The following EVA1C variants were observed in gnomAD, a reference collection of about 807,000 sequenced individuals.
EVA1C encodes eva-1 homolog C, also known as protein eva-1 homolog C.
A neutral mutation model predicts 45.4 loss-of-function variants in EVA1C; 25 were observed. That is an observed-to-expected ratio of 0.55 (90% CI 0.40 to 0.77). EVA1C has a LOEUF of 0.77. Among genes scored for constraint, EVA1C ranks in the 30% least tolerant of loss-of-function variants. The pLI is 0.00. For synonymous variants in EVA1C, 190 were observed against 221.2 expected, an observed-to-expected ratio of 0.86 and a Z score of 1.25; for missense variants, 479 against 554.8, an observed-to-expected ratio of 0.86 and a Z score of 1.37.
chr21:32,487,747 C>A (rs2037021284), intron 4 of EVA1C, among the ~76,000 whole-genome samples: 1 of 151,424 alleles, frequency 6.6e-6, no homozygotes, highest in Non-Finnish European at 1.5e-5. Context: ...GAGAGTAGAA[C>A]CCCCAGCAAG....
chr21:32,514,728 G>A, intron 7 of EVA1C, 86 bp from the exon 8 acceptor site: 3 of 1,419,752 alleles, frequency 2.1e-6, no homozygotes, highest in Non-Finnish European at 2.8e-6. Flanking sequence ...CCCCCTGCTT[G>A]GGCAGACATC....
At chr21:32,427,022 T>C (rs2034515051) in intron 1 of EVA1C, among the ~76,000 whole-genome samples, 1 of 152,150 alleles carries the variant, frequency 6.6e-6, no homozygotes, top group Admixed American at 6.5e-5. Context: ...CTGTCAGAAC[T>C]CTGTTTCAGA....
intron 4 of EVA1C, chr21:32,468,080 A>T (rs1354490936): frequency 4.7e-6 from 1 of 211,378 alleles, no homozygotes; most frequent in Non-Finnish European, 9.0e-6. Flanking sequence ...TAAGTAAAAG[A>T]ACAAGAACTG....
intron 4 of EVA1C, among the ~76,000 whole-genome samples, chr21:32,472,440 G>C (rs144269954): frequency 2.0e-5 from 3 of 152,302 alleles, no homozygotes; most frequent in African/African-American, 7.2e-5. Context: ...GATTACAGGT[G>C]TGAGCCACTG....
At chr21:32,495,296 C>CCCTTCAG (rs2037313760) in intron 5 of EVA1C, 126 bp downstream of exon 5, 3 of 896,622 alleles carry the variant, frequency 3.3e-6, no homozygotes, top group Admixed American at 3.0e-5. Flanking sequence ...GCTGTTTGGT[C>CCCTTCAG]ATCCCAGATA....
At chr21:32,450,772 G>A (rs1042991778) in intron 1 of EVA1C, among the ~76,000 whole-genome samples, 2 of 152,100 alleles carry the variant, frequency 1.3e-5, no homozygotes, top group African/African-American at 4.8e-5. Flanking sequence ...AGAGGCCCAG[G>A]GCCACTGAGG....
At chr21:32,514,633 T>C (rs1308228087) in intron 7 of EVA1C, among the ~76,000 whole-genome samples, 181 bp from the exon 8 acceptor site, 1 of 152,142 alleles carries the variant, frequency 6.6e-6, no homozygotes, top group South Asian at 2.1e-4. Flanking sequence ...GCGCAAAAGC[T>C]TTTTTGAAAA....
intron 1 of EVA1C, among the ~76,000 whole-genome samples, chr21:32,416,240 T>C (rs761130332): frequency 6.6e-6 from 1 of 152,080 alleles, no homozygotes; most frequent in Non-Finnish European, 1.5e-5. Flanking sequence ...TTCTAATTTG[T>C]GTTGTTTCTC....
At chr21:32,476,960 C>G (rs1424980322) in intron 4 of EVA1C, among the ~76,000 whole-genome samples, 1 of 152,124 alleles carries the variant, frequency 6.6e-6, no homozygotes, top group Non-Finnish European at 1.5e-5. Context: ...TCAGGGCAGG[C>G]ACGGAGGAGG....
intron 3 of EVA1C, 30 bp from the exon 4 acceptor site, chr21:32,467,666 T>C: frequency 6.3e-7 from 1 of 1,587,748 alleles, no homozygotes; most frequent in Non-Finnish European, 8.6e-7. Context: ...GGGAAGCTGA[T>C]GGTGCCTTCA....
chr21:32,445,636 G>A (rs1331706460), intron 1 of EVA1C, among the ~76,000 whole-genome samples: 1 of 152,154 alleles, frequency 6.6e-6, no homozygotes, highest in East Asian at 1.9e-4. Context: ...AATGTGATGA[G>A]GATGACGATC....
At chr21:32,437,027 G>A (rs2034981131) in intron 1 of EVA1C, among the ~76,000 whole-genome samples, 1 of 152,164 alleles carries the variant, frequency 6.6e-6, no homozygotes, top group Non-Finnish European at 1.5e-5. Context: ...GGGCGTGGTG[G>A]CGGGTGGCTG....
At chr21:32,511,378 C>A (rs2037941794) in intron 7 of EVA1C, among the ~76,000 whole-genome samples, 1 of 124,514 alleles carries the variant, frequency 8.0e-6, no homozygotes. Context: ...AAGATCATGC[C>A]ACTTACACTC....
intron 5 of EVA1C, among the ~76,000 whole-genome samples, chr21:32,501,121 G>A (rs959207975): frequency 9.2e-5 from 14 of 152,050 alleles, no homozygotes; most frequent in African/African-American, 2.7e-4. Context: ...CCTTCATTCC[G>A]TTTTATTATG....
intron 1 of EVA1C, among the ~76,000 whole-genome samples, chr21:32,442,486 C>T (rs1013886764): frequency 2.6e-5 from 4 of 152,124 alleles, no homozygotes; most frequent in Admixed American, 6.5e-5. Flanking sequence ...TCCCCACCCC[C>T]CAACCCCATG....
intron 2 of EVA1C, among the ~76,000 whole-genome samples, chr21:32,457,122 C>T (rs774113488): frequency 1.3e-5 from 2 of 152,126 alleles, no homozygotes; most frequent in Non-Finnish European, 2.9e-5. Context: ...AAGAGCTCCC[C>T]GATGCACAGC....
chr21:32,457,765 C>A, intron 3 of EVA1C, 45 bp downstream of exon 3: 2 of 1,610,540 alleles, frequency 1.2e-6, no homozygotes, highest in South Asian at 1.1e-5. Context: ...GTGTGGTTCT[C>A]GTTTCCTTCA....
chr21:32,449,413 G>A (rs73190679), intron 1 of EVA1C, among the ~76,000 whole-genome samples: 17,684 of 152,156 alleles, frequency 0.12, 1,122 homozygotes, highest in Middle Eastern at 0.24. Flanking sequence ...GGATATTTTC[G>A]CTGTCTCCAT....
chr21:32,444,086 ACACAC>A (rs1568888297), intron 1 of EVA1C, among the ~76,000 whole-genome samples: 18 of 151,204 alleles, frequency 1.2e-4, no homozygotes, highest in South Asian at 4.2e-4. Context: ...ACACACACAC[ACACAC>A]AAACTCAAAG....
Sources: gnomAD v4.1 joint callset for allele counts (sites outside exome capture counted in the v4.1 genomes callset) on GRCh38, gnomAD v4.1.1 for gene constraint, MANE v1.5 for transcripts, NCBI Gene and HGNC (gene_info 2026-07-23, HGNC 2026-07-21) for gene names.